FAM83E: variants seen among roughly 807,000 people sequenced by gnomAD.
The protein encoded by FAM83E is protein FAM83E.
FAM83E carries 29 observed loss-of-function variants against 34.3 expected under a neutral mutation model. The ratio of observed to expected loss-of-function variants is 0.85; its 90% CI spans 0.63 to 1.15. FAM83E has a LOEUF of 1.15. FAM83E is among the 50% of genes most tolerant of loss of function. The pLI is 0.00. For synonymous variants in FAM83E, 312 were observed against 311.6 expected (o/e 1.00, Z -0.01); for missense variants, 697 against 685.0 (o/e 1.02, Z -0.20).
In FAM83E at chr19:48,609,906, T is replaced by C. The variant is rs1974010539; in HGVS notation, c.728A>G (p.Asp243Gly). The change falls in exon 5 of 7, where the codon GAC (aspartate) becomes GGC (glycine). Residue 243 changes from aspartate to glycine, a missense_variant. Coordinates refer to ENST00000263266, the MANE Select transcript of FAM83E (RefSeq NM_017708.4). ...GGATCCTGAGATGACCCTCTCGCCG[T>C]CCAGCAGCACAAACTTCTCCCGCAC... ...GTVREKFVLLDGERVISGSYS... is the reference protein window; with the variant it reads ...GTVREKFVLLGGERVISGSYS... 2 of 1,612,836 alleles carry C rather than the reference T, an allele frequency of 1.2e-6. No individual in the cohort carries two copies. Among genetic ancestry groups the C allele is most frequent in the Admixed American group, 1.7e-5 (1 of 59,986 alleles).
Position 48,614,157 on chromosome 19 carries a change from AAT to A in FAM83E, c.-787_-786del. On this transcript the variant is annotated 5_prime_UTR_variant, in exon 3 of 7. It removes the in-frame stop codon of an upstream open reading frame in the 5' UTR. Transcript: ENST00000263266. Reference sequence around the variant, plus strand: ...TTGGCAAACCCTTCCCTACCCTGTCAATGGGGGACCCTGCTCCCTGGACCCTC... The same window carrying A: ...TTGGCAAACCCTTCCCTACCCTGTCAGGGGGACCCTGCTCCCTGGACCCTC... 6 of 985,770 alleles carry A rather than the reference AAT, an allele frequency of 6.1e-6. No individual in the cohort carries two copies. Among genetic ancestry groups the A allele is most frequent in the Non-Finnish European group, 7.2e-6 (6 of 830,204 alleles). The allele number at this position is 985,770 out of a possible 1,614,324, so 61.1% of individuals were successfully genotyped here.
chr19:48,610,398 CAAAAAAAAAAAAAAAA>C (rs71179016), intron 4 of FAM83E, among the ~76,000 whole-genome samples: 1 of 31,334 alleles, frequency 3.2e-5, no homozygotes. Flanking sequence ...CACTCCGTCT[CAAAAAAAAAAAAAAAA>C]AAAAAAAAAA....
rs1414849896 is a variant in FAM83E, at chr19:48,610,708, T to C, written c.605A>G (p.Gln202Arg). Residue 202 changes from glutamine to arginine, a missense_variant, in exon 4 of 7, where the codon CAG becomes CGG. Coordinates refer to ENST00000263266, the MANE Select transcript of FAM83E (RefSeq NM_017708.4). ...QLPAFLELAQ[Q>R]LGVNPWNTEN... ...CGTGTTCCAGGGGTTCACCCCCAGC[T>C]GCTGGGCCAGTTCCAGGAAGGCAGG... 31 of 1,579,170 alleles carry C rather than the reference T, an allele frequency of 2.0e-5. No individual in the cohort carries two copies. Among genetic ancestry groups the C allele is most frequent in the Non-Finnish European group, 2.7e-5 (31 of 1,162,814 alleles).
At chr19:48,610,273 C>T (rs572776290) in intron 4 of FAM83E, among the ~76,000 whole-genome samples, 2 of 152,074 alleles carry the variant, frequency 1.3e-5, no homozygotes, top group South Asian at 4.2e-4. Context: ...GTGACACATG[C>T]CTGTAATCCC....
chr19:48,606,419 G>T (rs928584772), intron 5 of FAM83E, among the ~76,000 whole-genome samples: 3 of 151,626 alleles, frequency 2.0e-5, no homozygotes, highest in African/African-American at 7.3e-5. Context: ...AATGAACCTG[G>T]CTCTCATCCT....
At chr19:48,602,817 ATTTATTG>A (rs1368699807) in intron 6 of FAM83E, among the ~76,000 whole-genome samples, 3 of 83,310 alleles carry the variant, frequency 3.6e-5, no homozygotes, top group African/African-American at 1.3e-4. Context: ...GAATGTATTT[ATTTATTG>A]TTTATTATTA....
intron 5 of FAM83E, among the ~76,000 whole-genome samples, chr19:48,609,059 G>C (rs1455019976): frequency 1.3e-5 from 2 of 151,966 alleles, no homozygotes; most frequent in Admixed American, 1.3e-4. Flanking sequence ...GGTTCTAGAG[G>C]CTCTAACCCT....
chr19:48,613,921 C>T lies in FAM83E; in HGVS notation c.-549G>A, dbSNP rs997019778. 21 of 985,340 alleles carry T rather than the reference C, an allele frequency of 2.1e-5. No homozygotes were observed. Among genetic ancestry groups the T allele is most frequent in the Non-Finnish European group, 2.5e-5 (21 of 829,948 alleles). 61.0% of individuals were successfully genotyped at this position (985,340 alleles called of 1,614,324 possible). ...GACAGGTTGCCTGCCTGCCCCCGGCCAAGAGCACGACGAACTGACCCTCTC... is the reference window on the plus strand; with the variant it reads ...GACAGGTTGCCTGCCTGCCCCCGGCTAAGAGCACGACGAACTGACCCTCTC... On this transcript the variant is annotated 5_prime_UTR_variant, in exon 3 of 7. It introduces an in-frame stop codon into an upstream open reading frame of the 5' UTR. Transcript: ENST00000263266.
At chr19:48,606,571 C>T (rs373007068) in intron 5 of FAM83E, among the ~76,000 whole-genome samples, 1 of 152,196 alleles carries the variant, frequency 6.6e-6, no homozygotes, top group Admixed American at 6.5e-5. Context: ...TTGTGGCCAG[C>T]GTCCTCTGGG....
chr19:48,604,706 C>A (rs925177506), intron 5 of FAM83E, among the ~76,000 whole-genome samples: 3 of 148,028 alleles, frequency 2.0e-5, no homozygotes, highest in African/African-American at 7.4e-5. Context: ...AAAGCAAGAC[C>A]CTGTCCCCCT....
chr19:48,610,890 G>C (rs1568421357), intron 3 of FAM83E, 43 bp from the exon 4 acceptor site: 1 of 1,555,904 alleles, frequency 6.4e-7, no homozygotes, highest in Non-Finnish European at 8.7e-7. Flanking sequence ...AACGGAAGCT[G>C]GCTCAGGGGA....
chr19:48,613,648 C>T lies in FAM83E; in HGVS notation c.-276G>A. On this transcript the variant is annotated 5_prime_UTR_variant, in exon 3 of 7. Transcript: ENST00000263266. Reference sequence around the variant, plus strand: ...CTGCACCCAGTGGCACCATGCCTGGCTGGCCTTCCGTGACCTTCCTGCCAG... The same window carrying T: ...CTGCACCCAGTGGCACCATGCCTGGTTGGCCTTCCGTGACCTTCCTGCCAG... 2 of 1,310,528 alleles carry T rather than the reference C, an allele frequency of 1.5e-6. No homozygotes were observed. Among genetic ancestry groups the T allele is most frequent in the Non-Finnish European group, 1.9e-6 (2 of 1,028,842 alleles). The allele number at this position is 1,310,528 out of a possible 1,614,324, so 81.2% of individuals were successfully genotyped here.
chr19:48,612,893 C>G lies in FAM83E; in HGVS notation c.465+15G>C. On this transcript the variant is annotated intron_variant, in intron 3 of 6. Coordinates refer to ENST00000263266, the MANE Select transcript of FAM83E (RefSeq NM_017708.4). ...CCAGTCTGGTGAATGGACACAGGGC[C>G]CCCGCGACACCCACCTTGTGGGCAG... 6.6e-7 allele frequency: 1 copy of G among 1,516,338 alleles called. No individual in the cohort carries two copies. Among genetic ancestry groups the G allele is most frequent in the South Asian group, 1.3e-5 (1 of 79,998 alleles). The allele number at this position is 1,516,338 out of a possible 1,614,324, so 93.9% of individuals were successfully genotyped here. A position where few individuals can be genotyped will look rare whatever the true frequency, so the allele number is the denominator to read the frequency against.
chr19:48,607,216 A>G (rs1380637230), intron 5 of FAM83E: 4 of 1,613,196 alleles, frequency 2.5e-6, no homozygotes, highest in East Asian at 2.2e-5. Context: ...CGTCAGCTAC[A>G]GGGGCGTCAC....
Position 48,606,974 on chromosome 19 carries a change from C to T in FAM83E, c.758+2902G>A, listed in dbSNP as rs755511523. 10 of 1,602,212 alleles carry T rather than the reference C, an allele frequency of 6.2e-6. No individual in the cohort carries two copies. In the East Asian group the frequency reaches 6.7e-5, roughly 11 times the overall value. ...CTGGGGCAGGGTCAACGCCGCCAGG[C>T]CGCCATGGTCCTGTGCTGGCTGCTG... On this transcript the variant is annotated intron_variant, in intron 5 of 6. Transcript: ENST00000263266.
intron 5 of FAM83E, among the ~76,000 whole-genome samples, chr19:48,605,391 A>G (rs749717703): frequency 2.0e-5 from 3 of 152,098 alleles, no homozygotes; most frequent in Non-Finnish European, 4.4e-5. Context: ...TGGGCAACAT[A>G]GCAAGACCCC....
rs2147647573 is a variant in FAM83E, at chr19:48,610,787, C to A, written c.526G>T (p.Ala176Ser). 6.3e-7 allele frequency: 1 copy of A among 1,590,956 alleles called. No individual in the cohort carries two copies. The highest frequency in any genetic ancestry group is 1.7e-4 in the Middle Eastern group (1 of 6,048). ...DPDLLLDLVD[A>S]ATRRWVPVYL... is the part of the protein sequence containing the mutation. ...ACAGGTACCCAGCGGCGCGTGGCAG[C>A]ATCCACCAAGTCCAAAAGCAGGTCT... The change falls in exon 4 of 7, where the codon GCT becomes TCT. Residue 176 changes from alanine to serine, a missense_variant. Transcript: ENST00000263266.
At position 48,614,721 on chromosome 19, in the gene FAM83E, T is replaced by G; in HGVS notation, c.-1269A>C. ...GCCGGGGCTCACCCACACCGGCTAG[T>G]GCCGGGCTCAATGGCCTCCCTTCCA... On this transcript the variant is annotated 5_prime_UTR_variant, in exon 2 of 7. Coordinates refer to ENST00000263266, the MANE Select transcript of FAM83E (RefSeq NM_017708.4). The G allele has an allele frequency of 1.0e-6, 1 of 970,358 alleles. No individual in the cohort carries two copies. Among genetic ancestry groups the G allele is most frequent in the Non-Finnish European group, 1.2e-6 (1 of 818,930 alleles). 60.1% of individuals were successfully genotyped at this position (970,358 alleles called of 1,614,324 possible).
At position 48,602,707 on chromosome 19, in the gene FAM83E, ATATATATATATAT is replaced by A. The variant is rs1973846429; in HGVS notation, c.1176+774_1176+786del. 6.8e-3 allele frequency among the ~76,000 whole-genome samples: 199 copies of A among 29,152 alleles called. 50 individuals are homozygous for A. The highest frequency in any genetic ancestry group is 0.012 in the African/African-American group (66 of 5,582). The allele number at this position is 29,152 out of a possible 152,430, so 19.1% of individuals were successfully genotyped here. A position where few individuals can be genotyped will look rare whatever the true frequency, so the allele number is the denominator to read the frequency against. On this transcript the variant is annotated intron_variant, in intron 6 of 6. Transcript: ENST00000263266. ...ATCTCAAAAAAAAAAAAAAAAAAAT[ATATATATATATAT>A]ATATATATATATATATATATATATA...
Sources: gnomAD v4.1 joint callset for allele counts (sites outside exome capture counted in the v4.1 genomes callset) on GRCh38, gnomAD v4.1.1 for gene constraint, MANE v1.5 for transcripts, NCBI Gene and HGNC (gene_info 2026-07-23, HGNC 2026-07-21) for gene names.